The following SNX29 variants were observed in gnomAD, a reference collection of about 807,000 sequenced individuals.
SNX29 encodes sorting nexin 29, also known as sorting nexin-29.
Under a neutral mutation model 102.1 loss-of-function variants are expected in SNX29, and 78 were observed. That is an observed-to-expected ratio of 0.76 (90% CI 0.64 to 0.92). The LOEUF (loss-of-function observed/expected upper bound fraction) is 0.92, where lower values mean the gene tolerates loss of function less well. Among genes scored for constraint, SNX29 ranks in the 40% least tolerant of loss-of-function variants. The pLI is 0.00. For synonymous variants in SNX29, 580 were observed against 414.5 expected, an observed-to-expected ratio of 1.40 and a Z score of -4.85; for missense variants, 1,280 against 1,061.7, an observed-to-expected ratio of 1.21 and a Z score of -2.86.
chr16:12,562,454 T>TC (rs1038941066), intron 20 of SNX29, among the ~76,000 whole-genome samples: 5 of 152,150 alleles, frequency 3.3e-5, no homozygotes, highest in Non-Finnish European at 7.4e-5. Context: ...TTGACTTTGA[T>TC]CCCCCTTCAT....
chr16:12,537,779 AAG>A (rs1162409950), intron 20 of SNX29, among the ~76,000 whole-genome samples: 2 of 152,030 alleles, frequency 1.3e-5, no homozygotes, highest in African/African-American at 4.8e-5. Context: ...AAACAAAAAA[AAG>A]TAATAAAATA....
chr16:12,320,232 C>A (rs948365534), intron 15 of SNX29, among the ~76,000 whole-genome samples: 1 of 152,050 alleles, frequency 6.6e-6, no homozygotes, highest in Non-Finnish European at 1.5e-5. Flanking sequence ...TGAGAAGGGG[C>A]CAGGCAGCTG....
chr16:12,050,654 A>C (rs2050261082), intron 7 of SNX29, among the ~76,000 whole-genome samples: 1 of 152,250 alleles, frequency 6.6e-6, no homozygotes, highest in African/African-American at 2.4e-5. Context: ...CCAGGAAAGC[A>C]AAGGCAAAGC....
intron 1 of SNX29, among the ~76,000 whole-genome samples, chr16:11,985,833 CTTTTTTTTT>C (rs571058575): frequency 7.4e-6 from 1 of 135,534 alleles, no homozygotes; most frequent in Admixed American, 7.5e-5. Flanking sequence ...ATTGCCTTAT[CTTTTTTTTT>C]TTTTTTTTGA....
chr16:12,321,544 G>C (rs996474022), intron 15 of SNX29, among the ~76,000 whole-genome samples: 3 of 152,256 alleles, frequency 2.0e-5, no homozygotes, highest in South Asian at 2.1e-4. Flanking sequence ...TTGAGAGAGC[G>C]GGGGGAGGAG....
chr16:12,059,411 G>C (rs755180277), intron 8 of SNX29, among the ~76,000 whole-genome samples: 10 of 152,230 alleles, frequency 6.6e-5, no homozygotes, highest in Non-Finnish European at 1.2e-4. Context: ...CCCCCAGGTT[G>C]GGCTCCTGCC....
intron 14 of SNX29, among the ~76,000 whole-genome samples, chr16:12,245,960 G>A (rs905704990): frequency 6.6e-6 from 1 of 152,198 alleles, no homozygotes; most frequent in Non-Finnish European, 1.5e-5. Flanking sequence ...CTGTGAAATA[G>A]GGATATTAAC....
chr16:12,202,944 G>T (rs879169913), intron 14 of SNX29, among the ~76,000 whole-genome samples: 1 of 151,416 alleles, frequency 6.6e-6, no homozygotes, highest in Admixed American at 6.6e-5. Flanking sequence ...GACTGGTGGC[G>T]TGGGAGGTGA....
intron 20 of SNX29, among the ~76,000 whole-genome samples, chr16:12,562,137 T>C (rs2078760642): frequency 6.6e-6 from 1 of 152,164 alleles, no homozygotes; most frequent in African/African-American, 2.4e-5. Context: ...CCAAAATGGC[T>C]CTGGCAATAC....
chr16:12,146,840 G>T (rs970201705), intron 13 of SNX29, among the ~76,000 whole-genome samples: 1 of 152,182 alleles, frequency 6.6e-6, no homozygotes, highest in Non-Finnish European at 1.5e-5. Flanking sequence ...TCTCAAACAT[G>T]ACCAACAGTG....
chr16:12,547,895 G>A (rs746556675), intron 20 of SNX29, among the ~76,000 whole-genome samples: 3 of 152,164 alleles, frequency 2.0e-5, no homozygotes, highest in African/African-American at 4.8e-5. Context: ...TTCTAGGGCT[G>A]TATAGGAGCT....
chr16:11,985,857 G>A (rs1214548422), intron 1 of SNX29, among the ~76,000 whole-genome samples: 2 of 146,778 alleles, frequency 1.4e-5, no homozygotes, highest in Non-Finnish European at 3.0e-5. Context: ...TTTTGAGATA[G>A]AGTCTTGCTC....
chr16:12,259,116 A>C (rs2078658267), intron 14 of SNX29, among the ~76,000 whole-genome samples: 1 of 151,904 alleles, frequency 6.6e-6, no homozygotes. Flanking sequence ...TCCTAGACAT[A>C]ATTAAGATTT....
chr16:12,190,642 AAG>A (rs1237716902), intron 13 of SNX29, among the ~76,000 whole-genome samples: 2 of 152,202 alleles, frequency 1.3e-5, no homozygotes, highest in East Asian at 3.9e-4. Context: ...ATGGGGCAGA[AAG>A]AGCTTGGCTG....
intron 15 of SNX29, among the ~76,000 whole-genome samples, chr16:12,320,073 A>G (rs2080882043): frequency 6.6e-6 from 1 of 152,094 alleles, no homozygotes; most frequent in Non-Finnish European, 1.5e-5. Flanking sequence ...GTCACCTTCC[A>G]GTGGGGCAGA....
chr16:12,451,395 G>A (rs758926503), intron 18 of SNX29, among the ~76,000 whole-genome samples: 2 of 152,232 alleles, frequency 1.3e-5, no homozygotes, highest in African/African-American at 4.8e-5. Flanking sequence ...ATTAGAGGCT[G>A]ATTGCCGAGT....
At chr16:12,091,936 G>A (rs1232897491) in intron 11 of SNX29, among the ~76,000 whole-genome samples, 1 of 152,172 alleles carries the variant, frequency 6.6e-6, no homozygotes. Context: ...TGCCAGAACT[G>A]TGAGAAAATC....
rs1776444822 is a variant in SNX29, at chr16:12,573,530, T to C, written c.*4901T>C. On this transcript the variant is annotated 3_prime_UTR_variant, in exon 21 of 21. Transcript: ENST00000566228. ...AGAGGCCCAGGGATTTAGTTCTTAC[T>C]GGTGCGTAAGTGTTTTCCCATCCTA... is the stretch of plus-strand genomic sequence containing the variant. 1 of 224,994 alleles carries C rather than the reference T, an allele frequency of 4.4e-6. No homozygotes were observed. Among genetic ancestry groups the C allele is most frequent in the Admixed American group, 5.7e-5 (1 of 17,528 alleles). 13.9% of individuals were successfully genotyped at this position (224,994 alleles called of 1,614,324 possible).
intron 19 of SNX29, among the ~76,000 whole-genome samples, chr16:12,499,889 C>T (rs1567626307): frequency 6.6e-6 from 1 of 152,154 alleles, no homozygotes; most frequent in East Asian, 1.9e-4. Context: ...GTTGCCCAGG[C>T]TGGTCTCAAA....
Sources: gnomAD v4.1 joint callset for allele counts (sites outside exome capture counted in the v4.1 genomes callset) on GRCh38, gnomAD v4.1.1 for gene constraint, MANE v1.5 for transcripts, NCBI Gene and HGNC (gene_info 2026-07-23, HGNC 2026-07-21) for gene names.